CABCOCO1: variants seen among roughly 807,000 people sequenced by gnomAD.
The protein encoded by CABCOCO1 is ciliary associated calcium binding coiled-coil 1.
In CABCOCO1, 28 loss-of-function variants were observed where a neutral mutation model predicts 35.7. That is an observed-to-expected ratio of 0.78 (90% CI 0.58 to 1.07). The LOEUF (loss-of-function observed/expected upper bound fraction) is 1.07. Among genes scored for constraint, CABCOCO1 ranks in the 50% least tolerant of loss-of-function variants. The probability of loss-of-function intolerance (pLI) is 0.00; values close to 1 mark genes in which losing one functional copy is unlikely to be tolerated. For synonymous variants in CABCOCO1, 95 were observed against 100.1 expected (o/e 0.95, Z 0.30); for missense variants, 326 against 309.2 (o/e 1.05, Z -0.41).
chr10:61,675,836 A>G (rs1445587348), intron 2 of CABCOCO1, among the ~76,000 whole-genome samples: 2 of 152,118 alleles, frequency 1.3e-5, no homozygotes, highest in Non-Finnish European at 2.9e-5. Flanking sequence ...CTGAAAATCA[A>G]GTCAGTAATG....
rs374003979 is a variant in CABCOCO1 at position 61,707,525 on chromosome 10, T to C, written c.552+16904T>C. ...TATCTGGGCATTCAGGAATCCCTTA[T>C]TGGGGAGGTTTTCATCATCACTGAC... On this transcript the variant is annotated intron_variant, in intron 5 of 7. Coordinates refer to ENST00000648843, the MANE Select transcript of CABCOCO1 (RefSeq NM_001366906.2). 6.6e-4 allele frequency among the ~76,000 whole-genome samples: 101 copies of C among 152,262 alleles called. 7 individuals carry two copies. Among genetic ancestry groups the C allele is most frequent in the African/African-American group, 2.6e-4 (11 of 41,570 alleles).
chr10:61,664,565 G>A (rs375826040), intron 1 of CABCOCO1, among the ~76,000 whole-genome samples: 12 of 152,230 alleles, frequency 7.9e-5, no homozygotes, highest in African/African-American at 2.9e-4. Flanking sequence ...ACTTCTTGGA[G>A]GGCCAGGTAT....
chr10:61,735,455 T>C (rs1420243446), intron 5 of CABCOCO1, among the ~76,000 whole-genome samples: 3 of 152,082 alleles, frequency 2.0e-5, no homozygotes, highest in Admixed American at 2.0e-4. Context: ...GACGGAGAGC[T>C]ACAGTCTGGT....
At chr10:61,682,889 C>CTTTCTT (rs1554821781) in intron 3 of CABCOCO1, among the ~76,000 whole-genome samples, 2 of 128,182 alleles carry the variant, frequency 1.6e-5, no homozygotes, top group African/African-American at 2.8e-5. Flanking sequence ...ACATGAATTT[C>CTTTCTT]TTTTTTTTTT....
intron 5 of CABCOCO1, among the ~76,000 whole-genome samples, chr10:61,736,824 T>A (rs1452922795): frequency 2.0e-5 from 3 of 152,200 alleles, no homozygotes; most frequent in Non-Finnish European, 2.9e-5. Flanking sequence ...CTTTGAGCAG[T>A]GTTTTGTAAT....
At chr10:61,679,313 A>G (rs1839627681) in intron 2 of CABCOCO1, among the ~76,000 whole-genome samples, 1 of 128,460 alleles carries the variant, frequency 7.8e-6, no homozygotes, top group African/African-American at 3.0e-5. Flanking sequence ...ATCTATATCT[A>G]TATCTATATC....
intron 5 of CABCOCO1, among the ~76,000 whole-genome samples, chr10:61,740,873 G>C (rs935120731): frequency 6.6e-6 from 1 of 152,208 alleles, no homozygotes; most frequent in Non-Finnish European, 1.5e-5. Flanking sequence ...AGGGCCGGGT[G>C]CAGTGGCTCA....
chr10:61,677,811 G>GTTTT (rs35492889), intron 2 of CABCOCO1, among the ~76,000 whole-genome samples: 81 of 60,312 alleles, frequency 1.3e-3, no homozygotes, highest in East Asian at 4.3e-3. Context: ...TTTTTTGGGT[G>GTTTT]TTTTTTTTTT....
At chr10:61,685,139 T>G (rs989002551) in intron 3 of CABCOCO1, 1 of 152,252 alleles carries the variant, frequency 6.6e-6, no homozygotes, top group Admixed American at 6.5e-5. Context: ...ACAGCTTACA[T>G]GAGTTATAAG....
intron 5 of CABCOCO1, among the ~76,000 whole-genome samples, chr10:61,706,931 TC>T (rs1181714265): frequency 1.3e-5 from 2 of 152,122 alleles, no homozygotes; most frequent in African/African-American, 4.8e-5. Flanking sequence ...TGCTGTGCCA[TC>T]CCCGTTACTT....
At chr10:61,710,532 A>T (rs1043296099) in intron 5 of CABCOCO1, among the ~76,000 whole-genome samples, 2 of 152,020 alleles carry the variant, frequency 1.3e-5, no homozygotes, top group Non-Finnish European at 2.9e-5. Context: ...TCTTTCAAAT[A>T]TGAAAAATGC....
intron 2 of CABCOCO1, among the ~76,000 whole-genome samples, chr10:61,680,570 A>G (rs1258241327): frequency 2.9e-5 from 3 of 105,080 alleles, no homozygotes; most frequent in Non-Finnish European, 5.4e-5. Context: ...ATATTTGTAT[A>G]TATTATGTTA....
At chr10:61,742,487 A>G (rs1015413345) in intron 5 of CABCOCO1, among the ~76,000 whole-genome samples, 1 of 152,204 alleles carries the variant, frequency 6.6e-6, no homozygotes, top group African/African-American at 2.4e-5. Flanking sequence ...AGGCAAGTGG[A>G]TAAGAGCCCA....
At chr10:61,701,706 T>G in intron 5 of CABCOCO1, 3 of 984,880 alleles carry the variant, frequency 3.0e-6, no homozygotes, top group South Asian at 4.7e-5. Flanking sequence ...CAGATATGCA[T>G]GCCTAAAGTA....
At chr10:61,711,960 T>TA (rs1445747855) in intron 5 of CABCOCO1, among the ~76,000 whole-genome samples, 3 of 152,108 alleles carry the variant, frequency 2.0e-5, no homozygotes, top group Non-Finnish European at 2.9e-5. Flanking sequence ...GCAAAAAACA[T>TA]ACATGTGCAT....
chr10:61,718,464 T>A (rs1038139471), intron 5 of CABCOCO1, among the ~76,000 whole-genome samples: 3 of 152,280 alleles, frequency 2.0e-5, no homozygotes, highest in African/African-American at 7.2e-5. Context: ...AACCACAGTT[T>A]GTTTTAAAAA....
intron 5 of CABCOCO1, among the ~76,000 whole-genome samples, chr10:61,692,691 T>C (rs764100682): frequency 6.6e-6 from 1 of 152,162 alleles, no homozygotes; most frequent in Non-Finnish European, 1.5e-5. Flanking sequence ...CTTGTTCTAA[T>C]GCTAGACTTT....
chr10:61,706,329 T>C (rs1396453962), intron 5 of CABCOCO1, among the ~76,000 whole-genome samples: 1 of 152,242 alleles, frequency 6.6e-6, no homozygotes, highest in East Asian at 1.9e-4. Context: ...TTATTCTTTG[T>C]TAAATAATGA....
intron 3 of CABCOCO1, among the ~76,000 whole-genome samples, chr10:61,683,774 TA>T (rs1181349185): frequency 6.6e-6 from 1 of 152,178 alleles, no homozygotes; most frequent in East Asian, 1.9e-4. Flanking sequence ...ATGTGATTTT[TA>T]AAAAAGCAAA....
Sources: allele counts gnomAD v4.1 joint callset (sites outside exome capture counted in the v4.1 genomes callset), GRCh38; gene constraint gnomAD v4.1.1; transcripts MANE v1.5; gene names NCBI Gene and HGNC (gene_info 2026-07-23, HGNC 2026-07-21).